The following MGAT4C variants were observed in gnomAD, a reference collection of about 807,000 sequenced individuals.
MGAT4C encodes the protein MGAT4 family member C, also known as alpha-1,3-mannosyl-glycoprotein 4-beta-N-acetylglucosaminyltransferase C.
A neutral mutation model predicts 40.1 loss-of-function variants in MGAT4C; 19 were observed. The observed-to-expected ratio is 0.47, with a 90% CI of 0.33 to 0.70. The LOEUF is 0.70. Among genes scored for constraint, MGAT4C ranks in the 30% least tolerant of loss-of-function variants. The pLI is 0.02. For synonymous variants in MGAT4C, 181 were observed against 187.1 expected (o/e 0.97, Z 0.27); for missense variants, 491 against 563.2 (o/e 0.87, Z 1.30).
In MGAT4C at chr12:86,804,302, A is replaced by G. The variant is rs1952301112; in HGVS notation, c.-262+34364T>C. Among the ~76,000 whole-genome samples the G allele has an allele frequency of 2.1e-5, 3 of 142,934 alleles. No homozygotes were observed. The South Asian group carries it at 6.9e-4, about 33-fold the overall frequency. The allele number at this position is 142,934 out of a possible 152,430, so 93.8% of individuals were successfully genotyped here. Reference sequence around the variant, plus strand: ...GAGGGGGGAGGGATAGCATTGGGAGATATACCTAATGCTAGATGACGAGTT... The same window carrying G: ...GAGGGGGGAGGGATAGCATTGGGAGGTATACCTAATGCTAGATGACGAGTT... On this transcript the variant is annotated intron_variant, in intron 1 of 7. Coordinates refer to the MGAT4C transcript ENST00000548651.
chr12:86,003,929 A>C (rs759414591), intron 2 of MGAT4C, among the ~76,000 whole-genome samples: 1 of 152,150 alleles, frequency 6.6e-6, no homozygotes, highest in Non-Finnish European at 1.5e-5. Flanking sequence ...TTATCAAGAC[A>C]GTTTTCTATG....
At chr12:86,140,653 T>A (rs1056850384) in intron 1 of MGAT4C, among the ~76,000 whole-genome samples, 1 of 152,016 alleles carries the variant, frequency 6.6e-6, no homozygotes, top group Admixed American at 6.6e-5. Context: ...TAAAGTATAA[T>A]AAAAATAAAA....
intron 1 of MGAT4C, among the ~76,000 whole-genome samples, chr12:86,789,645 G>C (rs1951990749): frequency 6.6e-6 from 1 of 151,994 alleles, no homozygotes; most frequent in Non-Finnish European, 1.5e-5. Context: ...CTCCTTGACT[G>C]AATTGAATGG....
At chr12:86,727,585 AAGTT>A (rs1488414823) in intron 1 of MGAT4C, among the ~76,000 whole-genome samples, 1 of 152,050 alleles carries the variant, frequency 6.6e-6, no homozygotes, top group African/African-American at 2.4e-5. Flanking sequence ...AATAGTAAAA[AAGTT>A]AGGAAATAAA....
intron 2 of MGAT4C, among the ~76,000 whole-genome samples, chr12:86,034,570 TTG>T (rs200382050): frequency 2.5e-5 from 3 of 121,656 alleles, no homozygotes; most frequent in African/African-American, 7.9e-5. Context: ...TTTTTTGTTG[TTG>T]TTTTTTTTAA....
intron 2 of MGAT4C, among the ~76,000 whole-genome samples, chr12:86,002,999 C>T (rs1013466412): frequency 6.6e-6 from 1 of 151,982 alleles, no homozygotes; most frequent in Admixed American, 6.6e-5. Flanking sequence ...TGGGGTCTCA[C>T]CATGTTGCCC....
intron 2 of MGAT4C, among the ~76,000 whole-genome samples, chr12:86,707,375 G>A (rs1008725531): frequency 1.3e-5 from 2 of 152,152 alleles, no homozygotes; most frequent in African/African-American, 4.8e-5. Context: ...GTCTCAGACG[G>A]AAAAGAGGAA....
At chr12:86,815,842 TG>T (rs1311587853) in intron 1 of MGAT4C, among the ~76,000 whole-genome samples, 1 of 118,090 alleles carries the variant, frequency 8.5e-6, no homozygotes, top group Non-Finnish European at 1.7e-5. Context: ...ACAATGGACT[TG>T]GGGGGAAGAG....
At chr12:86,036,799 T>C (rs1357350287) in intron 2 of MGAT4C, among the ~76,000 whole-genome samples, 1 of 150,156 alleles carries the variant, frequency 6.7e-6, no homozygotes, top group East Asian at 1.9e-4. Flanking sequence ...AGGATGACCC[T>C]GGCCTCATAA....
At chr12:86,589,682 A>G (rs2136446560) in intron 2 of MGAT4C, among the ~76,000 whole-genome samples, 1 of 152,198 alleles carries the variant, frequency 6.6e-6, no homozygotes, top group Non-Finnish European at 1.5e-5. Context: ...CGAATCCAGC[A>G]GCACATCAAA....
intron 1 of MGAT4C, among the ~76,000 whole-genome samples, chr12:86,787,711 G>A (rs1951956374): frequency 6.6e-6 from 1 of 152,106 alleles, no homozygotes; most frequent in African/African-American, 2.4e-5. Context: ...GAAGGAGTAT[G>A]GAGATTTCTA....
At chr12:86,071,918 C>G (rs961324151) in intron 1 of MGAT4C, among the ~76,000 whole-genome samples, 1 of 152,062 alleles carries the variant, frequency 6.6e-6, no homozygotes, top group African/African-American at 2.4e-5. Flanking sequence ...GTCACCAATT[C>G]TTAGTACTAG....
chr12:86,090,900 A>G (rs1157925478), intron 1 of MGAT4C, among the ~76,000 whole-genome samples: 1 of 151,976 alleles, frequency 6.6e-6, no homozygotes, highest in Non-Finnish European at 1.5e-5. Flanking sequence ...TGACAGCCAA[A>G]ACCAATTGTT....
rs1361108705 is a variant in MGAT4C, at chr12:85,983,495, C to A, written c.295+28G>T. The stretch of plus-strand genomic sequence containing the variant: ...TTTAATGCAAAATATTTTATGTATT[C>A]TTTATTTAAATGTTTAAGGATACTT... On this transcript the variant is annotated intron_variant, in intron 4 of 4. Transcript: ENST00000611864. The A allele has an allele frequency of 4.6e-5, 68 of 1,486,470 alleles. No homozygotes were observed. In the Admixed American group the frequency reaches 1.6e-3, roughly 35 times the overall value. 92.1% of individuals were successfully genotyped at this position (1,486,470 alleles called of 1,614,324 possible). A position where few individuals can be genotyped will look rare whatever the true frequency, so the allele number is the denominator to read the frequency against.
At chr12:86,145,871 C>G (rs1883443100) in intron 1 of MGAT4C, among the ~76,000 whole-genome samples, 1 of 152,036 alleles carries the variant, frequency 6.6e-6, no homozygotes, top group Non-Finnish European at 1.5e-5. Flanking sequence ...CAATATTAGA[C>G]CCTAGGGGAA....
chr12:86,208,005 A>T (rs936733533), intron 1 of MGAT4C, among the ~76,000 whole-genome samples: 1 of 152,216 alleles, frequency 6.6e-6, no homozygotes, highest in Non-Finnish European at 1.5e-5. Flanking sequence ...TACAAATCTC[A>T]TAATTGATCA....
chr12:86,490,147 GAA>G (rs1395940613), intron 2 of MGAT4C, among the ~76,000 whole-genome samples: 3 of 152,032 alleles, frequency 2.0e-5, no homozygotes, highest in African/African-American at 7.2e-5. Flanking sequence ...TGAAATGAAG[GAA>G]AAAATGTTAA....
intron 1 of MGAT4C, among the ~76,000 whole-genome samples, chr12:86,103,814 C>T (rs945562154): frequency 6.6e-6 from 1 of 152,072 alleles, no homozygotes; most frequent in South Asian, 2.1e-4. Context: ...AATTTGAGAT[C>T]CTCTAATATA....
At chr12:86,068,784 T>C (rs1894804164) in intron 1 of MGAT4C, among the ~76,000 whole-genome samples, 2 of 152,090 alleles carry the variant, frequency 1.3e-5, no homozygotes, top group Non-Finnish European at 2.9e-5. Flanking sequence ...GATCTCTCTC[T>C]ACTTTGCTGC....
Sources: gnomAD v4.1 joint callset for allele counts (sites outside exome capture counted in the v4.1 genomes callset) on GRCh38, gnomAD v4.1.1 for gene constraint, MANE v1.5 for transcripts, NCBI Gene and HGNC (gene_info 2026-07-23, HGNC 2026-07-21) for gene names.